Variants in DNAAF2 observed in about 807,000 individuals in gnomAD.
DNAAF2 encodes dynein axonemal assembly factor 2.
A neutral mutation model predicts 48.8 loss-of-function variants in DNAAF2; 58 were observed. The ratio of observed to expected loss-of-function variants is 1.19; its 90% CI spans 0.96 to 1.48. DNAAF2 has a LOEUF of 1.48. DNAAF2 is among the 40% of genes most tolerant of loss of function. DNAAF2 has a pLI of 0.00. For missense variants in DNAAF2, 1,241 were observed against 1,116.1 expected, an observed-to-expected ratio of 1.11 and a Z score of -1.59; for synonymous variants, 567 against 481.2, an observed-to-expected ratio of 1.18 and a Z score of -2.33.
At position 49,625,521 on chromosome 14, in the gene DNAAF2, A is replaced by G. The variant is rs770435695; in HGVS notation, c.*21T>C. ...AGGTATTTTTTAACCTTAATATTTAAAAGTCCAAAATTATATAGAATTAAT... is the reference window on the plus strand; with the variant it reads ...AGGTATTTTTTAACCTTAATATTTAGAAGTCCAAAATTATATAGAATTAAT... On this transcript the variant is annotated 3_prime_UTR_variant, in exon 3 of 3. Coordinates refer to ENST00000298292, the MANE Select transcript of DNAAF2 (RefSeq NM_018139.3). The G allele has an allele frequency of 1.5e-5, 21 of 1,447,140 alleles. No individual in the cohort carries two copies. The highest frequency in any genetic ancestry group is 3.7e-4 in the Middle Eastern group (2 of 5,444). The allele number at this position is 1,447,140 out of a possible 1,614,324, so 89.6% of individuals were successfully genotyped here. A position where few individuals can be genotyped will look rare whatever the true frequency, so the allele number is the denominator to read the frequency against.
intron 1 of DNAAF2, among the ~76,000 whole-genome samples, chr14:49,630,705 A>C (rs1883132134): frequency 2.2e-5 from 2 of 89,964 alleles, no homozygotes; most frequent in Non-Finnish European, 4.8e-5. Flanking sequence ...ACACACATAA[A>C]CTCTCTACAC....
intron 1 of DNAAF2, among the ~76,000 whole-genome samples, chr14:49,631,917 A>G (rs1466922964): frequency 6.6e-6 from 1 of 152,246 alleles, no homozygotes; most frequent in African/African-American, 2.4e-5. Flanking sequence ...AGCCTGGTCC[A>G]GTACAAAGTA....
At chr14:49,632,026 T>C (rs1883177275) in intron 1 of DNAAF2, among the ~76,000 whole-genome samples, 2 of 152,242 alleles carry the variant, frequency 1.3e-5, no homozygotes, top group Non-Finnish European at 2.9e-5. Flanking sequence ...AGATATAAAA[T>C]ACAGTTGCCC....
rs1883259037 is a variant in DNAAF2 at position 49,634,148 on chromosome 14, T to A, written c.1002A>T (p.Gln334His). ...YPVDDGRGKA[Q>H]FNKARRQLVV... ...CCAGCTGCCGCCGGGCCTTGTTGAATTGTGCCTTGCCGCGGCCATCGTCCA... is the reference window on the plus strand; with the variant it reads ...CCAGCTGCCGCCGGGCCTTGTTGAAATGTGCCTTGCCGCGGCCATCGTCCA... The change falls in exon 1 of 3, where the codon CAA becomes CAT. Residue 334 changes from glutamine (Q) to histidine (H), a missense_variant. Transcript: ENST00000298292. 1 of 1,586,270 alleles carries A rather than the reference T, an allele frequency of 6.3e-7. No homozygotes were observed. Among genetic ancestry groups the A allele is most frequent in the African/African-American group, 1.3e-5 (1 of 74,226 alleles).
intron 2 of DNAAF2, 103 bp downstream of exon 2, chr14:49,627,909 T>G: frequency 8.3e-7 from 1 of 1,205,786 alleles, no homozygotes; most frequent in Non-Finnish European, 1.1e-6. Context: ...GCCCAACCAT[T>G]ATGTAAATTT....
chr14:49,633,939 A>AC lies in DNAAF2; in HGVS notation c.1210dup (p.Val404GlyfsTer87). On this transcript the variant is annotated frameshift_variant, in exon 1 of 3. Transcript: ENST00000298292. LOFTEE classifies it high-confidence loss of function. ...GACCCCGGAGCCCGCAGCCCCAGCC[A>AC]CGCAGGTATCGTGGCCTCCGTCCTC... 2.0e-6 allele frequency: 3 copies of AC among 1,530,964 alleles called. No homozygotes were observed. Among genetic ancestry groups the AC allele is most frequent in the Non-Finnish European group, 2.6e-6 (3 of 1,144,936 alleles). The allele number at this position is 1,530,964 out of a possible 1,614,324, so 94.8% of individuals were successfully genotyped here.
In DNAAF2 at chr14:49,634,121, C is replaced by T. The variant is rs1228970549; in HGVS notation, c.1029G>A (p.Val343=). The stretch of plus-strand genomic sequence containing the variant: ...CCGGCAGCACCACTGGCAGCGTAAC[C>T]ACCAGCTGCCGCCGGGCCTTGTTGA... The part of the protein sequence containing the change: ...AQFNKARRQL[V]VTLPVVLPAA... Residue 343 remains valine, a synonymous_variant, in exon 1 of 3, where the codon GTG becomes GTA. Coordinates refer to ENST00000298292, the MANE Select transcript of DNAAF2 (RefSeq NM_018139.3). 1 of 1,556,900 alleles carries T rather than the reference C, an allele frequency of 6.4e-7. No homozygotes were observed. Among genetic ancestry groups the T allele is most frequent in the Non-Finnish European group, 8.7e-7 (1 of 1,151,398 alleles).
chr14:49,628,350 GAACA>G (rs1392324448), intron 1 of DNAAF2, among the ~76,000 whole-genome samples, 195 bp from the exon 2 acceptor site: 1 of 152,142 alleles, frequency 6.6e-6, no homozygotes, highest in Non-Finnish European at 1.5e-5. Flanking sequence ...GTTGTACTGA[GAACA>G]AACATAAACG....
Position 49,633,949 on chromosome 14 carries a change from CG to C in DNAAF2, c.1200del (p.His400GlnfsTer41). The C allele has an allele frequency of 6.5e-7, 1 of 1,530,436 alleles. No individual in the cohort carries two copies. Among genetic ancestry groups the C allele is most frequent in the Non-Finnish European group, 8.7e-7 (1 of 1,144,836 alleles). The allele number at this position is 1,530,436 out of a possible 1,614,324, so 94.8% of individuals were successfully genotyped here. A position where few individuals can be genotyped will look rare whatever the true frequency, so the allele number is the denominator to read the frequency against. ...PARSRAEDGGHDTCVAGAAGS... is the reference protein window; with the variant it reads ...PARSRAEDGGXDTCVAGAAGS... ...CCCGCAGCCCCAGCCACGCAGGTATCGTGGCCTCCGTCCTCCGCGCGACTCC... is the reference window on the plus strand; with the variant it reads ...CCCGCAGCCCCAGCCACGCAGGTATCTGGCCTCCGTCCTCCGCGCGACTCC... On this transcript the variant is annotated frameshift_variant, in exon 1 of 3. Transcript: ENST00000298292. LOFTEE classifies it high-confidence loss of function.
At chr14:49,626,541 G>A (rs66645165) in intron 2 of DNAAF2, among the ~76,000 whole-genome samples, 30,372 of 151,928 alleles carry the variant, frequency 0.2, 3,310 homozygotes, top group Admixed American at 0.29. Flanking sequence ...GTTTTGAGAC[G>A]GAGTCTTGCT....
At position 49,634,440 on chromosome 14, in the gene DNAAF2, CG is replaced by C; in HGVS notation, c.709del (p.Arg237GlyfsTer48). The C allele has an allele frequency of 6.4e-7, 1 of 1,557,978 alleles. No homozygotes were observed. On this transcript the variant is annotated frameshift_variant, in exon 1 of 3. Transcript: ENST00000298292. LOFTEE classifies it high-confidence loss of function. Reference sequence around the variant, plus strand: ...GGCCGCTTCCGGAGGGGAGGGCGCCCGGGGCCCGGGGGCTGCCGGGTACTGG... The same window carrying C: ...GGCCGCTTCCGGAGGGGAGGGCGCCCGGGCCCGGGGGCTGCCGGGTACTGG... ...PYQYPAAPGPRAPSPPEAALQ... is the reference protein window; with the variant it reads ...PYQYPAAPGPXAPSPPEAALQ...
Position 49,633,926 on chromosome 14 carries a change from C to T in DNAAF2, c.1224G>A (p.Ala408=). Residue 408 remains alanine, a synonymous_variant, in exon 1 of 3, where the codon GCG becomes GCA. Transcript: ENST00000298292. ...GGHDTCVAGA[A]GSGVTTLGDP... is the part of the protein sequence containing the mutation. ...CGCCCAGGGTGGTGACCCCGGAGCC[C>T]GCAGCCCCAGCCACGCAGGTATCGT... 1.3e-6 allele frequency: 2 copies of T among 1,531,808 alleles called. No individual in the cohort carries two copies. Among genetic ancestry groups the T allele is most frequent in the Non-Finnish European group, 1.7e-6 (2 of 1,145,140 alleles). 94.9% of individuals were successfully genotyped at this position (1,531,808 alleles called of 1,614,324 possible).
At chr14:49,631,364 G>T (rs1192651239) in intron 1 of DNAAF2, among the ~76,000 whole-genome samples, 1 of 152,208 alleles carries the variant, frequency 6.6e-6, no homozygotes, top group Non-Finnish European at 1.5e-5. Flanking sequence ...GGTGGCTCAT[G>T]CCTGTAATCC....
rs754546558 is a variant in DNAAF2, at chr14:49,635,156, C to G, written c.-7G>C. 1 of 1,554,796 alleles carries G rather than the reference C, an allele frequency of 6.4e-7. No individual in the cohort carries two copies. The highest frequency in any genetic ancestry group is 8.7e-7 in the Non-Finnish European group (1 of 1,149,630). ...AGGCCGCCGCTTTGGCCATACTGTCCTGTGGCTCCTCGCCCTCGGGCCAAA... is the reference window on the plus strand; with the variant it reads ...AGGCCGCCGCTTTGGCCATACTGTCGTGTGGCTCCTCGCCCTCGGGCCAAA... On this transcript the variant is annotated 5_prime_UTR_variant, in exon 1 of 3. Coordinates refer to ENST00000298292, the MANE Select transcript of DNAAF2 (RefSeq NM_018139.3).
rs967364703 is a variant in DNAAF2, at chr14:49,634,014, G to A, written c.1136C>T (p.Ala379Val). 14 of 1,523,260 alleles carry A rather than the reference G, an allele frequency of 9.2e-6. No homozygotes were observed. In the Admixed American group the frequency reaches 2.4e-4, roughly 27 times the overall value. The allele number at this position is 1,523,260 out of a possible 1,614,324, so 94.4% of individuals were successfully genotyped here. ...CTCCCCCTCGCGAGCGGAAGCGCAG[G>A]CCTGGCCGTCAGTTCCGGACCGGTC... is the stretch of plus-strand genomic sequence containing the variant. The part of the protein sequence containing the change: ...SADRSGTDGQ[A>V]CASAREGEAG... Residue 379 changes from alanine to valine, a missense_variant, in exon 1 of 3, where the codon GCC becomes GTC. By Grantham distance (64) the Ala-to-Val change is moderately conservative (BLOSUM62 0). Coordinates refer to ENST00000298292, the MANE Select transcript of DNAAF2 (RefSeq NM_018139.3).
rs570329974 is a variant in DNAAF2, at chr14:49,634,418, C to T, written c.732G>A (p.Ala244=). The T allele has an allele frequency of 2.5e-6, 4 of 1,571,288 alleles. No individual in the cohort carries two copies. Among genetic ancestry groups the T allele is most frequent in the Non-Finnish European group, 3.4e-6 (4 of 1,159,888 alleles). Residue 244 remains alanine, a synonymous_variant, in exon 1 of 3, where the codon GCG becomes GCA. Transcript: ENST00000298292. ...PGPRAPSPPE[A]ALQPAPTEPR... ...GCTCGGTGGGGGCGGGCTGCAAGGC[C>T]GCTTCCGGAGGGGAGGGCGCCCGGG... is the stretch of plus-strand genomic sequence containing the variant.
intron 1 of DNAAF2, among the ~76,000 whole-genome samples, chr14:49,630,756 C>CACACTT (rs1555327722): frequency 1.8e-4 from 25 of 138,860 alleles, no homozygotes; most frequent in African/African-American, 6.5e-4. Context: ...CACACACACA[C>CACACTT]TTTTTTTTTT....
intron 1 of DNAAF2, among the ~76,000 whole-genome samples, chr14:49,628,531 T>C (rs779863863): frequency 9.2e-5 from 14 of 152,178 alleles, no homozygotes; most frequent in Non-Finnish European, 1.9e-4. Context: ...CTCGGCTCAC[T>C]GCAACCTCCG....
In DNAAF2 at chr14:49,628,128, C is replaced by T. The variant is rs183126428; in HGVS notation, c.1891G>A (p.Val631Ile). The T allele has an allele frequency of 3.8e-6, 6 of 1,589,898 alleles. No individual in the cohort carries two copies. In the African/African-American group the frequency reaches 5.4e-5, roughly 14 times the overall value. ...EERLFVNEEN[V>I]NEFLEEVLSS... ...AGGACCTCTTCAAGAAACTCATTAA[C>T]ATTTTCTTCATTGACAAATAACCTT... Residue 631 changes from valine (V) to isoleucine (I), a missense_variant, in exon 2 of 3, where the codon GTT becomes ATT. By Grantham distance (29) the Val-to-Ile change is conservative (BLOSUM62 3). Coordinates refer to ENST00000298292, the MANE Select transcript of DNAAF2 (RefSeq NM_018139.3).
Sources: gnomAD v4.1 joint callset for allele counts (sites outside exome capture counted in the v4.1 genomes callset) on GRCh38, gnomAD v4.1.1 for gene constraint, MANE v1.5 for transcripts, NCBI Gene and HGNC (gene_info 2026-07-23, HGNC 2026-07-21) for gene names.